The following DNAH2 variants were observed in gnomAD, a reference collection of about 807,000 sequenced individuals.
DNAH2 encodes axonemal beta dynein heavy chain 2.
Under a neutral mutation model 523.5 loss-of-function variants are expected in DNAH2, and 323 were observed. That is an observed-to-expected ratio of 0.62 (90% CI 0.56 to 0.68). The LOEUF is 0.68. DNAH2 is among the 30% of genes least tolerant of loss of function. The probability of loss-of-function intolerance (pLI) is 0.00; values close to 1 mark genes in which losing one functional copy is unlikely to be tolerated. For missense variants in DNAH2, 4,907 were observed against 5,701.5 expected, an observed-to-expected ratio of 0.86 and a Z score of 4.49; for synonymous variants, 2,093 against 2,177.4, an observed-to-expected ratio of 0.96 and a Z score of 1.08.
At chr17:7,781,698 T>G (rs183543361) in intron 39 of DNAH2, among the ~76,000 whole-genome samples, 1 of 152,328 alleles carries the variant, frequency 6.6e-6, no homozygotes, top group East Asian at 1.9e-4. Flanking sequence ...GCTGACCTAC[T>G]CAAGTGTACC....
chr17:7,733,456 C>A, intron 5 of DNAH2, 141 bp downstream of exon 5: 57 of 511,664 alleles, frequency 1.1e-4, no homozygotes, highest in Non-Finnish European at 1.8e-4. Flanking sequence ...GAATAGGGTA[C>A]AAGATCCGCC....
intron 44 of DNAH2, among the ~76,000 whole-genome samples, chr17:7,788,866 T>TA (rs1308746875): frequency 6.6e-6 from 1 of 152,132 alleles, no homozygotes; most frequent in Non-Finnish European, 1.5e-5. Context: ...TAATGTAAAT[T>TA]AAAAATATGT....
intron 10 of DNAH2, 85 bp from the exon 11 acceptor site, chr17:7,740,725 G>T: frequency 6.5e-7 from 1 of 1,546,886 alleles, no homozygotes. Context: ...CTCCCGCAGC[G>T]GGGTGCAGCT....
intron 34 of DNAH2, 36 bp from the exon 35 acceptor site, chr17:7,778,244 C>T (rs1481374107): frequency 6.2e-7 from 1 of 1,613,878 alleles, no homozygotes; most frequent in Non-Finnish European, 8.5e-7. Flanking sequence ...GAGAGGCTTC[C>T]AGGAGTCTGA....
intron 79 of DNAH2, 104 bp from the exon 80 acceptor site, chr17:7,830,982 G>C: frequency 6.6e-7 from 1 of 1,506,750 alleles, no homozygotes; most frequent in East Asian, 2.3e-5. Context: ...TGGGGAGCAG[G>C]GCAGGGAGCT....
Position 7,796,541 on chromosome 17 carries a change from T to C in DNAH2, c.7752T>C (p.Ile2584=), listed in dbSNP as rs773958372. The change falls in exon 50 of 86, where the codon ATT becomes ATC. Residue 2584 remains isoleucine, a synonymous_variant. Transcript: ENST00000572933. ...ACTTTGAGGAAGAGGTGAAGCCCAT[T>C]GGGAACGTGGTGACAGAGGCCACCC... The part of the protein sequence containing the change: ...LQDFEEEVKP[I]GNVVTEATLD... 3 of 1,613,532 alleles carry C rather than the reference T, an allele frequency of 1.9e-6. No individual in the cohort carries two copies. In the South Asian group the frequency reaches 3.3e-5, roughly 18 times the overall value.
chr17:7,766,220 GGAGA>G (rs2076162768), intron 21 of DNAH2, 94 bp from the exon 22 acceptor site: 3 of 1,290,302 alleles, frequency 2.3e-6, no homozygotes. Context: ...TCTCACGTGA[GGAGA>G]GAGGTGAGAT....
Position 7,793,453 on chromosome 17 carries a change from T to TTC in DNAH2, c.7569+250_7569+251dup, listed in dbSNP as rs1373201743. ...TTGCTTTTTCTTTCTTTCTTTTTCT[T>TTC]TCTTTCTTTCTTTCTTTCTTTCTTT... On this transcript the variant is annotated intron_variant, in intron 48 of 85. Transcript: ENST00000572933. Among the ~76,000 whole-genome samples the TTC allele has an allele frequency of 2.0e-3, 238 of 121,888 alleles. 2 individuals carry two copies. Among genetic ancestry groups the TTC allele is most frequent in the Admixed American group, 6.0e-3 (72 of 11,970 alleles). The allele number at this position is 121,888 out of a possible 152,430, so 80.0% of individuals were successfully genotyped here.
At position 7,786,721 on chromosome 17, in the gene DNAH2, C is replaced by T. The variant is rs200999523; in HGVS notation, c.6466+34C>T. ...AGGATCGTGGGGTGTGGAGAGCAGA[C>T]GCCTGAGTCTCCTAAGGGGGCAGGG... On this transcript the variant is annotated intron_variant, in intron 41 of 85. Transcript: ENST00000572933. The surrounding 1 kb of genome is among the most constrained non-coding windows in gnomAD (Gnocchi z 7.5). The T allele has an allele frequency of 2.0e-4, 319 of 1,607,602 alleles. No individual in the cohort carries two copies. The highest frequency in any genetic ancestry group is 2.5e-4 in the Non-Finnish European group (298 of 1,175,096).
intron 42 of DNAH2, chr17:7,787,472 C>T (rs953230477): frequency 3.2e-5 from 8 of 249,382 alleles, no homozygotes; most frequent in African/African-American, 6.7e-5. Context: ...GGGTGGCTCA[C>T]GCCTGTAATC....
rs372409861 is a variant in DNAH2 at position 7,781,068 on chromosome 17, G to A, written c.6030G>A (p.Met2010Ile). 1.2e-6 allele frequency: 2 copies of A among 1,614,082 alleles called. No individual in the cohort carries two copies. The highest frequency in any genetic ancestry group is 1.7e-6 in the Non-Finnish European group (2 of 1,180,046). ...TTCTGCTGCTCTCAATGAGAGATAT[G>A]AACATCGCCAAGCTCACTTCAGTTG... ...EEVLLLSMRDMNIAKLTSVDA... is the reference protein window; with the variant it reads ...EEVLLLSMRDINIAKLTSVDA... The change falls in exon 39 of 86, where the codon ATG becomes ATA. Residue 2010 changes from methionine to isoleucine, a missense_variant. Around this residue, in one of 3 missense-constraint regions of DNAH2, gnomAD observed 2,806 missense variants for 3,190.8 expected, o/e 0.88. Coordinates refer to ENST00000572933, the MANE Select transcript of DNAH2 (RefSeq NM_020877.5).
At position 7,792,842 on chromosome 17, in the gene DNAH2, A is replaced by G. The variant is rs1327001813; in HGVS notation, c.7331A>G (p.Asn2444Ser). The G allele has an allele frequency of 2.5e-6, 4 of 1,613,806 alleles. No homozygotes were observed. The highest frequency in any genetic ancestry group is 3.4e-6 in the Non-Finnish European group (4 of 1,179,838). The change falls in exon 47 of 86, where the codon AAC becomes AGC. Residue 2444 changes from asparagine to serine, a missense_variant. This residue lies in a region of DNAH2 where 2,806 missense variants were observed against 3,190.8 expected (regional missense o/e 0.88). Coordinates refer to ENST00000572933, the MANE Select transcript of DNAH2 (RefSeq NM_020877.5). The part of the protein sequence containing the change: ...PSSQWSVLVV[N>S]MSAQTTSNNV... ...AGCCAGTGGTCGGTGCTCGTTGTCA[A>G]CATGTCCGCACAGGTGTGTCGGGGA...
intron 8 of DNAH2, chr17:7,738,884 C>T: frequency 1.4e-6 from 1 of 692,134 alleles, no homozygotes; most frequent in Non-Finnish European, 2.7e-6. Context: ...CATAGCCAGA[C>T]TGCTCTTGCC....
rs559459258 is a variant in DNAH2 at position 7,763,905 on chromosome 17, C to T, written c.3053C>T (p.Ser1018Leu). The change falls in exon 19 of 86, where the codon TCG (serine) becomes TTG (leucine). Residue 1018 changes from serine (S) to leucine (L), a missense_variant. Coordinates refer to ENST00000572933, the MANE Select transcript of DNAH2 (RefSeq NM_020877.5). ...ATCCAGTTTGTGCTGCTGGACTGTT[C>T]GCACCTCAAGTTCTCCCTGGTGCAG... ...TNIQFVLLDC[S>L]HLKFSLVQHC... is the part of the protein sequence containing the mutation. 60 of 1,614,186 alleles carry T rather than the reference C, an allele frequency of 3.7e-5. No individual in the cohort carries two copies. Among genetic ancestry groups the T allele is most frequent in the South Asian group, 2.6e-4 (24 of 91,088 alleles).
At position 7,780,982 on chromosome 17, in the gene DNAH2, G is replaced by A; in HGVS notation, c.6004-60G>A. On this transcript the variant is annotated intron_variant, in intron 38 of 85. Transcript: ENST00000572933. This position sits in a 1 kb window ranked among gnomAD's most constrained non-coding sequence, Gnocchi z 4.4. Reference sequence around the variant, plus strand: ...CTTGGCACGTGCCCCGAAGCCCTTTGGAGGTGAAAGGCCTAGGCCCTGCCT... The same window carrying A: ...CTTGGCACGTGCCCCGAAGCCCTTTAGAGGTGAAAGGCCTAGGCCCTGCCT... The A allele has an allele frequency of 1.2e-6, 2 of 1,611,434 alleles. No individual in the cohort carries two copies. Among genetic ancestry groups the A allele is most frequent in the African/African-American group, 2.7e-5 (2 of 75,030 alleles).
In DNAH2 at chr17:7,775,907, T is replaced by C. The variant is rs2076438964; in HGVS notation, c.4822-117T>C. 2.9e-6 allele frequency: 4 copies of C among 1,382,038 alleles called. 1 individual carries two copies. The Admixed American group carries it at 8.5e-5, about 29-fold the overall frequency. 85.6% of individuals were successfully genotyped at this position (1,382,038 alleles called of 1,614,324 possible). A position where few individuals can be genotyped will look rare whatever the true frequency, so the allele number is the denominator to read the frequency against. ...GGAACGCAAGCCAGCTGTTGGCCAT[T>C]CCCGCTTTTCTCTGGGTACAAAGCC... On this transcript the variant is annotated intron_variant, in intron 30 of 85. Coordinates refer to ENST00000572933, the MANE Select transcript of DNAH2 (RefSeq NM_020877.5).
In DNAH2 at chr17:7,722,187, CGGG is replaced by C. The variant is rs56380951; in HGVS notation, c.167-1432_167-1430del. On this transcript the variant is annotated intron_variant, in intron 2 of 85. Transcript: ENST00000572933. The stretch of plus-strand genomic sequence containing the variant: ...CTAATTTTTTGTATTTTTATAGAGA[CGGG>C]GGGGGGGGTTCACCATCTTGGCCAG... Among the ~76,000 whole-genome samples, 214 of 144,478 alleles carry C rather than the reference CGGG, an allele frequency of 1.5e-3. 2 individuals carry two copies. Among genetic ancestry groups the C allele is most frequent in the African/African-American group, 3.6e-3 (142 of 39,408 alleles). 94.8% of individuals were successfully genotyped at this position (144,478 alleles called of 152,430 possible). A position where few individuals can be genotyped will look rare whatever the true frequency, so the allele number is the denominator to read the frequency against.
In DNAH2 at chr17:7,771,480, A is replaced by G. The variant is rs1597605933; in HGVS notation, c.4501+12A>G. 6.2e-7 allele frequency: 1 copy of G among 1,613,740 alleles called. No individual in the cohort carries two copies. The highest frequency in any genetic ancestry group is 8.5e-7 in the Non-Finnish European group (1 of 1,179,810). ...CACCCATCACCCAGGTCAGAGCTCC[A>G]GGGCTCCTGCCCTGACACAGCCTCG... On this transcript the variant is annotated intron_variant, in intron 28 of 85. Coordinates refer to ENST00000572933, the MANE Select transcript of DNAH2 (RefSeq NM_020877.5).
intron 8 of DNAH2, among the ~76,000 whole-genome samples, chr17:7,738,338 A>AT (rs1349882083): frequency 6.6e-6 from 1 of 150,494 alleles, no homozygotes; most frequent in Non-Finnish European, 1.5e-5. Flanking sequence ...TTTAATTTTA[A>AT]TTTTTTTTTG....
Sources: allele counts gnomAD v4.1 joint callset (sites outside exome capture counted in the v4.1 genomes callset), GRCh38; gene constraint gnomAD v4.1.1; regional missense constraint gnomAD v4.1.1; non-coding constraint Gnocchi (gnomAD v3.1); transcripts MANE v1.5; gene names NCBI Gene and HGNC (gene_info 2026-07-23, HGNC 2026-07-21).